DIAPH2: variants seen among roughly 807,000 people sequenced by gnomAD.
The protein encoded by DIAPH2 is diaphanous related formin 2.
A neutral mutation model predicts 92.7 loss-of-function variants in DIAPH2; 35 were observed. The ratio of observed to expected loss-of-function variants is 0.38; its 90% CI spans 0.29 to 0.50. DIAPH2 has a LOEUF of 0.50. Among genes scored for constraint, DIAPH2 ranks in the 20% least tolerant of loss-of-function variants. The probability of loss-of-function intolerance (pLI) is 0.94; values close to 1 mark genes in which losing one functional copy is unlikely to be tolerated. For missense variants in DIAPH2, 701 were observed against 819.5 expected, an observed-to-expected ratio of 0.86 and a Z score of 1.77; for synonymous variants, 301 against 280.4, an observed-to-expected ratio of 1.07 and a Z score of -0.73.
At chrX:96,712,688 C>G (rs978185954) in intron 1 of DIAPH2, among the ~76,000 whole-genome samples, 1 of 111,549 alleles carries the variant, frequency 9.0e-6, no homozygotes, top group Non-Finnish European at 1.9e-5. Flanking sequence ...TTTCTCTCGT[C>G]TAAAGTAAAC....
At chrX:97,298,737 C>T (rs2068668445) in intron 23 of DIAPH2, among the ~76,000 whole-genome samples, 1 of 109,041 alleles carries the variant, frequency 9.2e-6, no homozygotes, top group Non-Finnish European at 1.9e-5. Flanking sequence ...ACCCCAGCCT[C>T]CCAAGTAGCT....
intron 4 of DIAPH2, among the ~76,000 whole-genome samples, chrX:96,767,589 A>G (rs947122974): frequency 1.8e-5 from 2 of 112,093 alleles, no homozygotes; most frequent in Non-Finnish European, 3.8e-5. Flanking sequence ...TGAAAGACAT[A>G]AAACATAAAG....
At chrX:97,034,908 T>C (rs1387702086) in intron 17 of DIAPH2, among the ~76,000 whole-genome samples, 1 of 111,767 alleles carries the variant, frequency 8.9e-6, no homozygotes. Flanking sequence ...TGTCAGATAC[T>C]GGGCATATTA....
chrX:96,899,951 T>C (rs1288950546), intron 5 of DIAPH2, among the ~76,000 whole-genome samples: 1 of 103,670 alleles, frequency 9.6e-6, no homozygotes, highest in Non-Finnish European at 2.0e-5. Context: ...TTGTTGAATT[T>C]TGTCAAAGGC....
At chrX:97,392,956 T>C (rs1326467038) in intron 25 of DIAPH2, among the ~76,000 whole-genome samples, 1 of 111,455 alleles carries the variant, frequency 9.0e-6, no homozygotes, top group Admixed American at 9.7e-5. Flanking sequence ...AGGGTTTGAT[T>C]TGGAAAATTG....
intron 17 of DIAPH2, among the ~76,000 whole-genome samples, chrX:97,010,727 A>G (rs1169301819): frequency 1.8e-5 from 2 of 112,289 alleles, no homozygotes; most frequent in African/African-American, 6.5e-5. Flanking sequence ...ATCATACTGA[A>G]CAGTTTTAGA....
chrX:97,177,027 C>T (rs1008979228), intron 22 of DIAPH2, among the ~76,000 whole-genome samples: 2 of 111,382 alleles, frequency 1.8e-5, no homozygotes, highest in African/African-American at 6.5e-5. Flanking sequence ...GGAATAATGA[C>T]AAGAAAAATA....
At chrX:96,950,635 T>C (rs1279872284) in intron 15 of DIAPH2, among the ~76,000 whole-genome samples, 1 of 111,850 alleles carries the variant, frequency 8.9e-6, no homozygotes, top group Admixed American at 9.5e-5. Flanking sequence ...GTTGCCTAAC[T>C]TTTCTCCCTC....
intron 23 of DIAPH2, among the ~76,000 whole-genome samples, chrX:97,269,878 G>T: frequency 9.2e-6 from 1 of 108,995 alleles, no homozygotes; most frequent in East Asian, 2.9e-4. Flanking sequence ...TCAGCCTCCC[G>T]AGTAGCTGGA....
chrX:97,356,286 G>GT (rs1484935778), intron 24 of DIAPH2, among the ~76,000 whole-genome samples: 1 of 111,555 alleles, frequency 9.0e-6, no homozygotes, highest in Non-Finnish European at 1.9e-5. Flanking sequence ...GCCTAGGCAT[G>GT]TATCTTCCTT....
chrX:97,537,890 T>C (rs1426358080), intron 26 of DIAPH2, among the ~76,000 whole-genome samples: 3 of 105,795 alleles, frequency 2.8e-5, no homozygotes, highest in African/African-American at 6.9e-5. Flanking sequence ...TAAATTCTTT[T>C]TTTTTTTTTT....
At chrX:97,089,494 A>G (rs2066807477) in intron 19 of DIAPH2, among the ~76,000 whole-genome samples, 1 of 111,832 alleles carries the variant, frequency 8.9e-6, no homozygotes, top group African/African-American at 3.3e-5. Flanking sequence ...ACTCTGCTCA[A>G]CCAACATAAA....
intron 23 of DIAPH2, among the ~76,000 whole-genome samples, chrX:97,267,693 A>G (rs929099284): frequency 2.7e-5 from 3 of 111,941 alleles, no homozygotes; most frequent in African/African-American, 9.7e-5. Flanking sequence ...GCTTTCACTA[A>G]GTGGAATGGA....
In DIAPH2 at chrX:96,962,380, C is replaced by T. The variant is rs964275040; in HGVS notation, c.1936-2713C>T. Among the ~76,000 whole-genome samples the T allele has an allele frequency of 1.2e-3, 32 of 25,701 alleles. 2 individuals carry two copies. The highest frequency in any genetic ancestry group is 2.4e-3 in the African/African-American group (23 of 9,421). The allele number at this position is 25,701 out of a possible 115,157, so 22.3% of individuals were successfully genotyped here. A position where few individuals can be genotyped will look rare whatever the true frequency, so the allele number is the denominator to read the frequency against. ...ATATATATATACACATATATATATACACATATATATACACATATATATACA... is the reference window on the plus strand; with the variant it reads ...ATATATATATACACATATATATATATACATATATATACACATATATATACA... On this transcript the variant is annotated intron_variant, in intron 16 of 26. Transcript: ENST00000324765.
intron 3 of DIAPH2, among the ~76,000 whole-genome samples, chrX:96,750,369 A>C (rs2064179855): frequency 9.0e-6 from 1 of 111,617 alleles, no homozygotes; most frequent in Non-Finnish European, 1.9e-5. Flanking sequence ...ATAACCAGAA[A>C]TATCTCTGGT....
chrX:97,320,108 AATATAT>A (rs1556025448), intron 23 of DIAPH2, among the ~76,000 whole-genome samples: 1 of 104,998 alleles, frequency 9.5e-6, no homozygotes, highest in Non-Finnish European at 1.9e-5. Context: ...TCAAAAAAAA[AATATAT>A]ATATATATAA....
chrX:97,084,372 T>G (rs1285498115), intron 19 of DIAPH2, among the ~76,000 whole-genome samples: 1 of 112,009 alleles, frequency 8.9e-6, no homozygotes, highest in Non-Finnish European at 1.9e-5. Context: ...GAATGTCTTT[T>G]CCAGTGAGTA....
At chrX:97,228,008 A>C (rs2067978772) in intron 22 of DIAPH2, among the ~76,000 whole-genome samples, 1 of 111,258 alleles carries the variant, frequency 9.0e-6, no homozygotes, top group Non-Finnish European at 1.9e-5. Flanking sequence ...TCAAGTGATC[A>C]TCTCACCTCA....
At chrX:96,839,433 T>G (rs2064921277) in intron 4 of DIAPH2, among the ~76,000 whole-genome samples, 1 of 111,510 alleles carries the variant, frequency 9.0e-6, no homozygotes, top group Admixed American at 9.6e-5. Flanking sequence ...AAATAAAATA[T>G]TATAGAGAAT....
Sources: gnomAD v4.1 joint callset for allele counts (sites outside exome capture counted in the v4.1 genomes callset) on GRCh38, gnomAD v4.1.1 for gene constraint, MANE v1.5 for transcripts, NCBI Gene and HGNC (gene_info 2026-07-23, HGNC 2026-07-21) for gene names.